LINGO2: variants seen among roughly 807,000 people sequenced by gnomAD.
The protein encoded by LINGO2 is leucine-rich repeat and immunoglobulin-like domain-containing nogo receptor-interacting protein 2.
In LINGO2, 14 loss-of-function variants were observed where a neutral mutation model predicts 30.6. The observed-to-expected ratio is 0.46, with a 90% confidence interval of 0.30 to 0.72. LINGO2 has a LOEUF of 0.72. LINGO2 is among the 30% of genes least tolerant of loss of function. The probability of loss-of-function intolerance (pLI) is 0.07; values close to 1 mark genes in which losing one functional copy is unlikely to be tolerated. For synonymous variants in LINGO2, 317 were observed against 288.5 expected (o/e 1.10, Z -1.00); for missense variants, 729 against 751.7 (o/e 0.97, Z 0.35).
intron 4 of LINGO2, among the ~76,000 whole-genome samples, chr9:28,090,297 C>T (rs762541020): frequency 2.1e-4 from 32 of 151,970 alleles, no homozygotes; most frequent in South Asian, 1.2e-3. Flanking sequence ...TGATGAACAT[C>T]GATGCAAAAA....
chr9:29,047,171 AAT>A, the LINGO2 span, among the ~76,000 whole-genome samples: 1 of 152,130 alleles, frequency 6.6e-6, no homozygotes, highest in African/African-American at 2.4e-5. Context: ...ACAAAGGTCT[AAT>A]ATCCAACATC....
At chr9:28,813,486 A>C in the LINGO2 span, among the ~76,000 whole-genome samples, 2 of 152,296 alleles carry the variant, frequency 1.3e-5, no homozygotes, top group Non-Finnish European at 2.9e-5. Context: ...AACTGAGGAA[A>C]GCAAAACTGC....
rs1441142083 is a variant in LINGO2 at position 28,329,962 on chromosome 9, T to G, written c.-245-34596A>C. Among the ~76,000 whole-genome samples the G allele has an allele frequency of 2.0e-5, 3 of 152,182 alleles. No homozygotes were observed. The highest frequency in any genetic ancestry group is 7.2e-5 in the African/African-American group (3 of 41,444). ...TATTTCAACACTTTATTTTTTGAGC[T>G]TGCTATTTACTGAATTCTGCGCCCC... is the stretch of plus-strand genomic sequence containing the variant. On this transcript the variant is annotated intron_variant, in intron 3 of 5. Transcript: ENST00000379992. This position sits in a 1 kb window ranked among gnomAD's most constrained non-coding sequence, Gnocchi z 4.5.
chr9:27,993,057 A>G (rs1040114826), intron 5 of LINGO2, among the ~76,000 whole-genome samples: 3 of 152,156 alleles, frequency 2.0e-5, no homozygotes, highest in African/African-American at 7.2e-5. Flanking sequence ...ATCATTAATC[A>G]CTTGACGATG....
At chr9:28,565,433 C>T (rs1451040127) in intron 1 of LINGO2, among the ~76,000 whole-genome samples, 1 of 151,698 alleles carries the variant, frequency 6.6e-6, no homozygotes, top group Non-Finnish European at 1.5e-5. Flanking sequence ...GATACCCCTG[C>T]CTCAGCCTCC....
intron 4 of LINGO2, among the ~76,000 whole-genome samples, chr9:28,091,772 A>C (rs995065505): frequency 1.3e-5 from 2 of 152,214 alleles, no homozygotes; most frequent in Non-Finnish European, 2.9e-5. Context: ...CAACCTACAG[A>C]ATGGGAGAAA....
At chr9:28,208,909 T>A (rs531335181) in intron 4 of LINGO2, among the ~76,000 whole-genome samples, 1 of 152,162 alleles carries the variant, frequency 6.6e-6, no homozygotes, top group African/African-American at 2.4e-5. Context: ...CCATTTCCCA[T>A]CATTTTATTG....
At chr9:28,295,753 C>G (rs1360644047) in intron 3 of LINGO2, among the ~76,000 whole-genome samples, 3 of 152,140 alleles carry the variant, frequency 2.0e-5, no homozygotes, top group Admixed American at 2.0e-4. Flanking sequence ...CAATGGGATG[C>G]AATAGGGCAA....
At chr9:29,014,536 T>A in the LINGO2 span, among the ~76,000 whole-genome samples, 2 of 152,114 alleles carry the variant, frequency 1.3e-5, no homozygotes, top group African/African-American at 4.8e-5. Flanking sequence ...GAAAAAAAAC[T>A]TAGATAAAGG....
intron 5 of LINGO2, among the ~76,000 whole-genome samples, chr9:27,951,117 C>T (rs558930620): frequency 8.5e-5 from 13 of 152,262 alleles, no homozygotes; most frequent in African/African-American, 2.6e-4. Flanking sequence ...GAATCAGTGT[C>T]GGCATCACTA....
chr9:27,999,060 G>GAATC (rs1451787945), intron 5 of LINGO2, among the ~76,000 whole-genome samples: 5 of 151,982 alleles, frequency 3.3e-5, no homozygotes. Flanking sequence ...TAGGAGTGAA[G>GAATC]AATCAAGAGG....
intron 1 of LINGO2, among the ~76,000 whole-genome samples, chr9:28,631,770 G>A (rs1310327755): frequency 1.3e-5 from 2 of 152,012 alleles, no homozygotes; most frequent in Non-Finnish European, 2.9e-5. Flanking sequence ...TGAAATTTGG[G>A]ACTTCATTCA....
chr9:28,359,003 CAG>C (rs1820338282), intron 3 of LINGO2, among the ~76,000 whole-genome samples: 1 of 152,066 alleles, frequency 6.6e-6, no homozygotes, highest in Non-Finnish European at 1.5e-5. Context: ...TTTGAGACAC[CAG>C]AGAGATTGAG....
intron 4 of LINGO2, among the ~76,000 whole-genome samples, chr9:28,277,782 T>C (rs1340330157): frequency 1.4e-5 from 2 of 146,824 alleles, no homozygotes; most frequent in East Asian, 4.0e-4. Flanking sequence ...TGCCACGCAC[T>C]CCAGCCTGGG....
intron 5 of LINGO2, among the ~76,000 whole-genome samples, chr9:27,995,423 G>A (rs558878170): frequency 2.0e-5 from 3 of 152,078 alleles, no homozygotes; most frequent in Non-Finnish European, 4.4e-5. Context: ...AGACAAAGAC[G>A]AACAATAAAA....
At chr9:28,655,662 T>C (rs1386264104) in intron 1 of LINGO2, among the ~76,000 whole-genome samples, 2 of 152,010 alleles carry the variant, frequency 1.3e-5, no homozygotes, top group African/African-American at 4.8e-5. Flanking sequence ...GGCAGTTTCC[T>C]CCATCCTGTT....
chr9:28,951,796 G>T, the LINGO2 span, among the ~76,000 whole-genome samples: 2 of 152,082 alleles, frequency 1.3e-5, no homozygotes, highest in Non-Finnish European at 2.9e-5. Flanking sequence ...AACTTCAGGG[G>T]CCTCTTTTTC....
Position 28,656,453 on chromosome 9 carries a change from T to TGTATGATGCAAGGAGAA in LINGO2, c.-365+13730_-365+13746dup, listed in dbSNP as rs572913419. The stretch of plus-strand genomic sequence containing the variant: ...GAAAAGTAGACATCATGAGCCTTCT[T>TGTATGATGCAAGGAGAA]GTATGATGCAAGGAGAATATGACTT... On this transcript the variant is annotated intron_variant, in intron 1 of 5. Coordinates refer to ENST00000379992, the Ensembl canonical transcript of LINGO2. 3.5e-4 allele frequency among the ~76,000 whole-genome samples: 53 copies of TGTATGATGCAAGGAGAA among 152,204 alleles called. No individual in the cohort carries two copies. In the East Asian group the frequency reaches 9.3e-3, roughly 27 times the overall value.
intron 4 of LINGO2, among the ~76,000 whole-genome samples, chr9:28,223,511 C>T (rs1342474252): frequency 6.6e-6 from 1 of 152,152 alleles, no homozygotes; most frequent in Non-Finnish European, 1.5e-5. Flanking sequence ...CCCAAATTTG[C>T]AGGGGGGCAT....
Sources: allele counts gnomAD v4.1 joint callset (sites outside exome capture counted in the v4.1 genomes callset), GRCh38; gene constraint gnomAD v4.1.1; non-coding constraint Gnocchi (gnomAD v3.1); transcripts MANE v1.5; gene names NCBI Gene and HGNC (gene_info 2026-07-23, HGNC 2026-07-21).